The following KCNAB1 variants were observed in gnomAD, a reference collection of about 807,000 sequenced individuals.
The protein encoded by KCNAB1 is voltage-gated potassium channel subunit beta-1.
KCNAB1 carries 35 observed loss-of-function variants against 64.6 expected under a neutral mutation model. That is an observed-to-expected ratio of 0.54 (90% CI 0.41 to 0.72). The LOEUF is 0.72. Among genes scored for constraint, KCNAB1 ranks in the 30% least tolerant of loss-of-function variants. The probability of loss-of-function intolerance (pLI) is 0.00; values close to 1 mark genes in which losing one functional copy is unlikely to be tolerated. For synonymous variants in KCNAB1, 177 were observed against 183.8 expected (o/e 0.96, Z 0.30); for missense variants, 401 against 512.9 (o/e 0.78, Z 2.11).
intron 1 of KCNAB1, among the ~76,000 whole-genome samples, chr3:156,189,705 A>C (rs1157706417): frequency 6.6e-6 from 1 of 152,212 alleles, no homozygotes; most frequent in Non-Finnish European, 1.5e-5. Flanking sequence ...TCTTTTCAGT[A>C]ATCGTCAGTT....
chr3:156,322,808 G>T lies in KCNAB1; in HGVS notation c.276-98808G>T, dbSNP rs139541489. Among the ~76,000 whole-genome samples the T allele has an allele frequency of 8.8e-3, 1,339 of 152,234 alleles. 7 individuals are homozygous for T. Among genetic ancestry groups the T allele is most frequent in the Admixed American group, 0.016 (246 of 15,288 alleles). Reference sequence around the variant, plus strand: ...TTTAGAAATGCAGTATTAAGAGACGGAGGCATTACTGACTGCTCCAAGTAC... The same window carrying T: ...TTTAGAAATGCAGTATTAAGAGACGTAGGCATTACTGACTGCTCCAAGTAC... On this transcript the variant is annotated intron_variant, in intron 1 of 13. Transcript: ENST00000490337.
In KCNAB1 at chr3:156,120,585, T is replaced by C; in HGVS notation, c.-27T>C. ...TCAGATTACTTTGATGACAGTGACT[T>C]CCAGTCTTCTCTGAAAGATCTCCAC... is the stretch of plus-strand genomic sequence containing the variant. On this transcript the variant is annotated 5_prime_UTR_variant, in exon 1 of 14. Coordinates refer to ENST00000490337, the MANE Select transcript of KCNAB1 (RefSeq NM_172160.3). The C allele has an allele frequency of 6.2e-7, 1 of 1,612,750 alleles. No individual in the cohort carries two copies. Among genetic ancestry groups the C allele is most frequent in the Non-Finnish European group, 8.5e-7 (1 of 1,179,192 alleles).
At chr3:156,206,629 G>A (rs1576605181) in intron 1 of KCNAB1, among the ~76,000 whole-genome samples, 1 of 152,096 alleles carries the variant, frequency 6.6e-6, no homozygotes, top group African/African-American at 2.4e-5. Flanking sequence ...CCATTTTTTG[G>A]ATAACCCAGC....
At chr3:156,206,259 A>C (rs1254064778) in intron 1 of KCNAB1, among the ~76,000 whole-genome samples, 1 of 152,168 alleles carries the variant, frequency 6.6e-6, no homozygotes, top group Admixed American at 6.5e-5. Context: ...AACCCAAATG[A>C]TGGCTCTCAC....
intron 1 of KCNAB1, among the ~76,000 whole-genome samples, chr3:156,217,325 A>T (rs1349422409): frequency 1.3e-5 from 2 of 152,236 alleles, no homozygotes; most frequent in Non-Finnish European, 2.9e-5. Flanking sequence ...AAATATGTTA[A>T]CAACAGCAAC....
chr3:156,346,530 C>G (rs1278058032), intron 1 of KCNAB1, among the ~76,000 whole-genome samples: 1 of 152,134 alleles, frequency 6.6e-6, no homozygotes, highest in Non-Finnish European at 1.5e-5. Context: ...GAATTTGTAA[C>G]TGGCCAAGAT....
At chr3:156,468,468 C>T (rs1713602399) in intron 7 of KCNAB1, among the ~76,000 whole-genome samples, 1 of 152,024 alleles carries the variant, frequency 6.6e-6, no homozygotes, top group Non-Finnish European at 1.5e-5. Context: ...TAATTTTAAG[C>T]ATATGGGCTT....
At chr3:156,133,961 A>G (rs1714146654) in intron 1 of KCNAB1, among the ~76,000 whole-genome samples, 1 of 152,084 alleles carries the variant, frequency 6.6e-6, no homozygotes, top group African/African-American at 2.4e-5. Flanking sequence ...GAAAAAAGTT[A>G]TGAGGATGGG....
intron 1 of KCNAB1, among the ~76,000 whole-genome samples, chr3:156,125,061 C>G (rs897450881): frequency 6.6e-6 from 1 of 151,512 alleles, no homozygotes; most frequent in African/African-American, 2.4e-5. Context: ...TTGCTTGAAC[C>G]GAGGAGGCAG....
intron 1 of KCNAB1, among the ~76,000 whole-genome samples, chr3:156,154,252 C>T (rs1715585276): frequency 6.6e-6 from 1 of 151,932 alleles, no homozygotes; most frequent in Non-Finnish European, 1.5e-5. Context: ...GTCTAACACA[C>T]TCATATTACA....
At chr3:156,438,510 CA>C (rs1716749613) in intron 2 of KCNAB1, among the ~76,000 whole-genome samples, 1 of 152,174 alleles carries the variant, frequency 6.6e-6, no homozygotes, top group African/African-American at 2.4e-5. Context: ...AGAATTGATA[CA>C]TTCCAATGTC....
chr3:156,218,801 A>ATAATAAT (rs1553822949), intron 1 of KCNAB1, among the ~76,000 whole-genome samples: 17 of 112,220 alleles, frequency 1.5e-4, no homozygotes, highest in African/African-American at 4.5e-4. Flanking sequence ...AAAAAAAAAA[A>ATAATAAT]AATAATAATA....
chr3:156,387,113 G>A (rs1712674773), intron 1 of KCNAB1, among the ~76,000 whole-genome samples: 1 of 149,428 alleles, frequency 6.7e-6, no homozygotes, highest in Non-Finnish European at 1.5e-5. Flanking sequence ...CATTCTAGAA[G>A]GTTGGCTGGG....
chr3:156,121,023 T>A, intron 1 of KCNAB1, 137 bp downstream of exon 1: 2 of 1,011,218 alleles, frequency 2.0e-6, no homozygotes, highest in Non-Finnish European at 2.8e-6. Context: ...CACTTCAGAA[T>A]GTGTAACCAC....
intron 1 of KCNAB1, among the ~76,000 whole-genome samples, chr3:156,185,218 C>G (rs1252186906): frequency 6.6e-6 from 1 of 152,216 alleles, no homozygotes; most frequent in African/African-American, 2.4e-5. Context: ...GACCTTCAGT[C>G]TTCAGGGCTG....
At chr3:156,185,174 A>G (rs1183668367) in intron 1 of KCNAB1, among the ~76,000 whole-genome samples, 1 of 152,040 alleles carries the variant, frequency 6.6e-6, no homozygotes, top group African/African-American at 2.4e-5. Context: ...TTGACACTCC[A>G]CCCACTTTAG....
intron 1 of KCNAB1, among the ~76,000 whole-genome samples, chr3:156,183,392 C>T (rs932205213): frequency 9.9e-5 from 15 of 152,170 alleles, no homozygotes; most frequent in African/African-American, 3.4e-4. Context: ...AGGACCCAGA[C>T]CCAGGATCCC....
chr3:156,459,142 G>T (rs772513472), intron 4 of KCNAB1, among the ~76,000 whole-genome samples: 1 of 152,164 alleles, frequency 6.6e-6, no homozygotes, highest in Non-Finnish European at 1.5e-5. Flanking sequence ...TGACAATGTT[G>T]GTCTTACTGG....
At chr3:156,349,236 A>T (rs1178652806) in intron 1 of KCNAB1, among the ~76,000 whole-genome samples, 2 of 152,212 alleles carry the variant, frequency 1.3e-5, no homozygotes, top group East Asian at 1.9e-4. Flanking sequence ...GAAGAAAAAA[A>T]GTAGAGAAAT....
Sources: allele counts gnomAD v4.1 joint callset (sites outside exome capture counted in the v4.1 genomes callset), GRCh38; gene constraint gnomAD v4.1.1; transcripts MANE v1.5; gene names NCBI Gene and HGNC (gene_info 2026-07-23, HGNC 2026-07-21).